Variants in ZMYM4 observed in about 807,000 individuals in gnomAD.
ZMYM4 encodes zinc finger MYM-type containing 4.
ZMYM4 carries 31 observed loss-of-function variants against 183.2 expected under a neutral mutation model. That is an observed-to-expected ratio of 0.17 (90% CI 0.13 to 0.23). The LOEUF (loss-of-function observed/expected upper bound fraction) is 0.23, where lower values mean the gene tolerates loss of function less well. ZMYM4 is among the 10% of genes least tolerant of loss of function. The probability of loss-of-function intolerance (pLI) is 1.00; values close to 1 mark genes in which losing one functional copy is unlikely to be tolerated. For synonymous variants in ZMYM4, 592 were observed against 631.2 expected (o/e 0.94, Z 0.93); for missense variants, 1,273 against 1,840.3 (o/e 0.69, Z 5.64).
Position 35,419,769 on chromosome 1 carries a change from C to T in ZMYM4, c.*92C>T. ...TGGAAAATGATGTATAAGTCTAAGT[C>T]CTCTTGACTTGACCATAAGATCATG... On this transcript the variant is annotated 3_prime_UTR_variant, in exon 30 of 30. Transcript: ENST00000314607. 7.8e-7 allele frequency: 1 copy of T among 1,277,894 alleles called. No individual in the cohort carries two copies. The highest frequency in any genetic ancestry group is 1.1e-6 in the Non-Finnish European group (1 of 902,886). The allele number at this position is 1,277,894 out of a possible 1,614,324, so 79.2% of individuals were successfully genotyped here.
At chr1:35,308,740 A>G (rs1361535263) in intron 1 of ZMYM4, among the ~76,000 whole-genome samples, 2 of 152,142 alleles carry the variant, frequency 1.3e-5, no homozygotes, top group Non-Finnish European at 2.9e-5. Context: ...GCATGCCTGT[A>G]GTCCCAGCTA....
chr1:35,360,023 CAT>C (rs1247260453), intron 3 of ZMYM4, among the ~76,000 whole-genome samples: 4 of 151,966 alleles, frequency 2.6e-5, no homozygotes, highest in African/African-American at 9.7e-5. Flanking sequence ...GAATATATCA[CAT>C]ATTTCCTTCT....
Position 35,370,637 on chromosome 1 carries a change from A to C in ZMYM4, c.1181+10A>C. On this transcript the variant is annotated intron_variant, in intron 7 of 29. Transcript: ENST00000314607. ...GTTCAAGTTGCTCAAAGTATAGCAGAATTCTAAATTATCTTTTTTGTTTCT... is the reference window on the plus strand; with the variant it reads ...GTTCAAGTTGCTCAAAGTATAGCAGCATTCTAAATTATCTTTTTTGTTTCT... 6.4e-7 allele frequency: 1 copy of C among 1,567,620 alleles called. No individual in the cohort carries two copies. The highest frequency in any genetic ancestry group is 8.7e-7 in the Non-Finnish European group (1 of 1,153,412).
chr1:35,417,585 C>G (rs1329095234), intron 28 of ZMYM4, among the ~76,000 whole-genome samples: 1 of 152,100 alleles, frequency 6.6e-6, no homozygotes, highest in Non-Finnish European at 1.5e-5. Context: ...TACCTGTAGT[C>G]CCAGCTACTC....
intron 2 of ZMYM4, chr1:35,351,037 G>T (rs773005982): frequency 1.1e-6 from 1 of 883,150 alleles, no homozygotes; most frequent in Non-Finnish European, 1.8e-6. Flanking sequence ...CTGCTGGCCC[G>T]CAGCCTTCTC....
At chr1:35,365,413 C>A (rs1382768305) in intron 5 of ZMYM4, among the ~76,000 whole-genome samples, 2 of 151,978 alleles carry the variant, frequency 1.3e-5, no homozygotes, top group African/African-American at 4.8e-5. Context: ...TCAGTAAATA[C>A]TACATTAAAG....
chr1:35,338,255 C>A (rs973316863), intron 2 of ZMYM4, among the ~76,000 whole-genome samples: 4 of 152,156 alleles, frequency 2.6e-5, no homozygotes, highest in African/African-American at 9.7e-5. Context: ...AAACGCAAAA[C>A]TTAGTTTCTT....
intron 28 of ZMYM4, among the ~76,000 whole-genome samples, chr1:35,417,619 C>G (rs1431180116): frequency 6.6e-6 from 1 of 152,026 alleles, no homozygotes; most frequent in Non-Finnish European, 1.5e-5. Flanking sequence ...AAGAGGATCA[C>G]TTGAACCCAG....
At chr1:35,382,044 C>T (rs1644468799) in intron 9 of ZMYM4, among the ~76,000 whole-genome samples, 1 of 151,290 alleles carries the variant, frequency 6.6e-6, no homozygotes, top group African/African-American at 2.4e-5. Context: ...ACTCGGGAGG[C>T]TGAGGCAGGA....
intron 6 of ZMYM4, 60 bp from the exon 7 acceptor site, chr1:35,370,312 A>G (rs1644176877): frequency 6.9e-7 from 1 of 1,456,790 alleles, no homozygotes; most frequent in Admixed American, 2.8e-5. Context: ...AATTCATGGT[A>G]AAAAGTAAAA....
At chr1:35,349,005 AT>A (rs1172228493) in intron 2 of ZMYM4, among the ~76,000 whole-genome samples, 1 of 151,668 alleles carries the variant, frequency 6.6e-6, no homozygotes, top group Non-Finnish European at 1.5e-5. Context: ...TTTTTATTTC[AT>A]TTTTTTTGAG....
chr1:35,289,986 C>G (rs1015568140), intron 1 of ZMYM4, among the ~76,000 whole-genome samples: 1 of 151,288 alleles, frequency 6.6e-6, no homozygotes, highest in Non-Finnish European at 1.5e-5. Flanking sequence ...TCTTTTCTTT[C>G]AGATGGAGTC....
rs773561596 is a variant in ZMYM4, at chr1:35,392,214, A to G, written c.2590A>G (p.Asn864Asp). ...CDPPSQNNAA[N>D]ISMVQAASAG... Reference sequence around the variant, plus strand: ...TTATTTTTGTTTATTTTAATCAGCAAATATTTCCATGGTTCAAGCTGCTTC... The same window carrying G: ...TTATTTTTGTTTATTTTAATCAGCAGATATTTCCATGGTTCAAGCTGCTTC... The change falls in exon 16 of 30, where the codon AAT becomes GAT. Residue 864 changes from asparagine (N) to aspartate (D), a missense_variant and splice_region_variant. Physicochemically the swap from Asn to Asp is conservative, Grantham distance 23. Coordinates refer to ENST00000314607, the MANE Select transcript of ZMYM4 (RefSeq NM_005095.3). The G allele has an allele frequency of 3.1e-6, 5 of 1,614,086 alleles. No individual in the cohort carries two copies. Among genetic ancestry groups the G allele is most frequent in the Admixed American group, 1.7e-5 (1 of 60,004 alleles).
intron 1 of ZMYM4, among the ~76,000 whole-genome samples, chr1:35,280,257 T>C (rs991080378): frequency 1.5e-5 from 2 of 133,396 alleles, no homozygotes; most frequent in African/African-American, 5.6e-5. Context: ...TTTCTTTCTC[T>C]CTTTCTCTCT....
chr1:35,381,370 T>A lies in ZMYM4; in HGVS notation c.1293T>A (p.Pro431=). 6.2e-7 allele frequency: 1 copy of A among 1,612,812 alleles called. No individual in the cohort carries two copies. Among genetic ancestry groups the A allele is most frequent in the Non-Finnish European group, 8.5e-7 (1 of 1,179,466 alleles). The stretch of plus-strand genomic sequence containing the variant: ...CAACATATGAACTGAAAAAAAAACC[T>A]ATTGTTACCATAAATACAAATAGTA... ...CLSTYELKKK[P]IVTINTNSIS... The change falls in exon 8 of 30, where the codon CCT becomes CCA. Residue 431 remains proline, a synonymous_variant. Coordinates refer to ENST00000314607, the MANE Select transcript of ZMYM4 (RefSeq NM_005095.3).
Position 35,291,228 on chromosome 1 carries a change from C to G in ZMYM4, c.39+22143C>G, listed in dbSNP as rs561236672. Among the ~76,000 whole-genome samples the G allele has an allele frequency of 9.2e-5, 14 of 152,104 alleles. No homozygotes were observed. The East Asian group carries it at 2.7e-3, about 29-fold the overall frequency. ...GAGAGTTCTTTATATATTTTGGATA[C>G]ACATCCTTTATTAATGTTTTGAAAA... On this transcript the variant is annotated intron_variant, in intron 1 of 29. Coordinates refer to ENST00000314607, the MANE Select transcript of ZMYM4 (RefSeq NM_005095.3).
chr1:35,339,977 G>A (rs1643136882), intron 2 of ZMYM4, among the ~76,000 whole-genome samples: 2 of 152,154 alleles, frequency 1.3e-5, no homozygotes, highest in South Asian at 2.1e-4. Flanking sequence ...CAGTACCAAG[G>A]TGTTCTAATG....
chr1:35,371,696 C>T (rs1644217651), intron 7 of ZMYM4, among the ~76,000 whole-genome samples: 1 of 152,144 alleles, frequency 6.6e-6, no homozygotes, highest in Admixed American at 6.5e-5. Context: ...AGATGCTGCA[C>T]TTTGTCTGCC....
chr1:35,386,063 G>T lies in ZMYM4; in HGVS notation c.1721-11G>T. ...CATATTACTCATTGGTTTTTATTTT[G>T]ATTTGCTAAGGTGTACAAGTTCAGT... is the stretch of plus-strand genomic sequence containing the variant. On this transcript the variant is annotated splice_polypyrimidine_tract_variant and intron_variant, in intron 10 of 29. Coordinates refer to ENST00000314607, the MANE Select transcript of ZMYM4 (RefSeq NM_005095.3). 1 of 1,588,094 alleles carries T rather than the reference G, an allele frequency of 6.3e-7. No individual in the cohort carries two copies. Among genetic ancestry groups the T allele is most frequent in the South Asian group, 1.1e-5 (1 of 89,504 alleles).
Sources: gnomAD v4.1 joint callset for allele counts (sites outside exome capture counted in the v4.1 genomes callset) on GRCh38, gnomAD v4.1.1 for gene constraint, MANE v1.5 for transcripts, NCBI Gene and HGNC (gene_info 2026-07-23, HGNC 2026-07-21) for gene names.